LRMDA: variants seen among roughly 807,000 people sequenced by gnomAD.
The protein encoded by LRMDA is leucine rich melanocyte differentiation associated.
A neutral mutation model predicts 29.8 loss-of-function variants in LRMDA; 18 were observed. The ratio of observed to expected loss-of-function variants is 0.60; its 90% CI spans 0.42 to 0.90. The LOEUF (loss-of-function observed/expected upper bound fraction) is 0.90, where lower values mean the gene tolerates loss of function less well. Ranked by LOEUF, LRMDA falls within the 40% of genes least tolerant of loss-of-function variation. The pLI, the probability that LRMDA is intolerant of heterozygous loss-of-function variation, is 0.00. For missense variants in LRMDA, 273 were observed against 273.9 expected (o/e 1.00, Z 0.02); for synonymous variants, 125 against 109.4 (o/e 1.14, Z -0.89).
chr10:75,715,013 T>C (rs1193923587), intron 2 of LRMDA, among the ~76,000 whole-genome samples: 5 of 152,186 alleles, frequency 3.3e-5, no homozygotes, highest in African/African-American at 4.8e-5. Context: ...CTGGGAGTTT[T>C]GGAGCTTCCA....
intron 2 of LRMDA, among the ~76,000 whole-genome samples, chr10:75,852,252 T>C (rs4288703): frequency 0.79 from 120,200 of 152,182 alleles, 47,966 homozygotes; most frequent in East Asian, 0.98. Context: ...TGAGAAAAAA[T>C]AGAGATTGAA....
chr10:76,158,468 A>G (rs1850583543), intron 5 of LRMDA, among the ~76,000 whole-genome samples: 1 of 152,148 alleles, frequency 6.6e-6, no homozygotes. Context: ...TAGTGAATAC[A>G]TGGTCCTTTG....
At chr10:76,517,147 C>A (rs1353910519) in intron 6 of LRMDA, among the ~76,000 whole-genome samples, 1 of 151,856 alleles carries the variant, frequency 6.6e-6, no homozygotes, top group Non-Finnish European at 1.5e-5. Context: ...AATCAAAGTT[C>A]CAGGAAGAGA....
chr10:76,099,437 T>G (rs1179291982), intron 5 of LRMDA, among the ~76,000 whole-genome samples: 1 of 152,162 alleles, frequency 6.6e-6, no homozygotes, highest in Non-Finnish European at 1.5e-5. Context: ...CTGTCTTAAT[T>G]TATTTGTTCT....
At chr10:76,134,567 T>G (rs1450782659) in intron 5 of LRMDA, among the ~76,000 whole-genome samples, 1 of 152,224 alleles carries the variant, frequency 6.6e-6, no homozygotes, top group Non-Finnish European at 1.5e-5. Flanking sequence ...AATAGCTATT[T>G]TATTATGAGC....
At chr10:75,655,719 C>G (rs920195085) in intron 2 of LRMDA, among the ~76,000 whole-genome samples, 36 of 152,194 alleles carry the variant, frequency 2.4e-4, no homozygotes, top group African/African-American at 8.0e-4. Flanking sequence ...GAAACATCTC[C>G]AGGCAGAGAG....
At chr10:75,978,179 A>C (rs1847107045) in intron 2 of LRMDA, among the ~76,000 whole-genome samples, 1 of 152,212 alleles carries the variant, frequency 6.6e-6, no homozygotes, top group Non-Finnish European at 1.5e-5. Context: ...GTAGCAGAAG[A>C]GCTCAAGTTA....
At chr10:76,147,189 C>A (rs144328181) in intron 5 of LRMDA, among the ~76,000 whole-genome samples, 15,977 of 152,122 alleles carry the variant, frequency 0.11, 1,130 homozygotes, top group Middle Eastern at 0.19. Flanking sequence ...TGAGGAGTAT[C>A]TTTGTGGCGT....
rs143310954 is a variant in LRMDA at position 75,479,398 on chromosome 10, T to C, written c.131+40904T>C. On this transcript the variant is annotated intron_variant, in intron 2 of 6. Transcript: ENST00000611255. ...CACAGGCGCCTGTAGTCCCAGCTAC[T>C]TGGGAGGCTGAGGCAGGATAATGGC... Among the ~76,000 whole-genome samples the C allele has an allele frequency of 4.1e-3, 618 of 151,894 alleles. 2 individuals are homozygous for C. Among genetic ancestry groups the C allele is most frequent in the African/African-American group, 0.014 (587 of 41,378 alleles).
At chr10:76,163,845 G>A (rs1187981403) in intron 5 of LRMDA, among the ~76,000 whole-genome samples, 2 of 152,144 alleles carry the variant, frequency 1.3e-5, no homozygotes, top group African/African-American at 4.8e-5. Flanking sequence ...TGAGTCTCAT[G>A]AATCCATTGT....
intron 2 of LRMDA, among the ~76,000 whole-genome samples, chr10:76,032,320 C>T (rs528442656): frequency 5.9e-5 from 9 of 152,312 alleles, no homozygotes; most frequent in African/African-American, 2.2e-4. Context: ...CTGGCCTGGC[C>T]TGGGCAGGGC....
intron 5 of LRMDA, among the ~76,000 whole-genome samples, chr10:76,187,108 T>C (rs1489700868): frequency 6.6e-6 from 1 of 152,080 alleles, no homozygotes; most frequent in Non-Finnish European, 1.5e-5. Context: ...GCCTAGCCCA[T>C]CCAGGAAGGC....
chr10:76,204,755 T>C (rs1191007328), intron 5 of LRMDA, among the ~76,000 whole-genome samples: 2 of 152,218 alleles, frequency 1.3e-5, no homozygotes, highest in Non-Finnish European at 2.9e-5. Context: ...AATCTAGGGC[T>C]TAATTGTTGA....
At chr10:76,104,365 T>G (rs1475046660) in intron 5 of LRMDA, among the ~76,000 whole-genome samples, 1 of 152,174 alleles carries the variant, frequency 6.6e-6, no homozygotes, top group Non-Finnish European at 1.5e-5. Flanking sequence ...CAGGCTCCAT[T>G]GCCCTCTGGC....
At chr10:75,434,710 C>G (rs1346092067) in intron 1 of LRMDA, among the ~76,000 whole-genome samples, 2 of 152,234 alleles carry the variant, frequency 1.3e-5, no homozygotes, top group African/African-American at 4.8e-5. Context: ...CCTCAGCCTC[C>G]TGAGTAGCTG....
At chr10:75,668,640 T>A (rs924900156) in intron 2 of LRMDA, among the ~76,000 whole-genome samples, 3 of 151,986 alleles carry the variant, frequency 2.0e-5, no homozygotes, top group African/African-American at 4.8e-5. Flanking sequence ...ATAAGAAAAA[T>A]TTTTTTGAAT....
intron 5 of LRMDA, among the ~76,000 whole-genome samples, chr10:76,199,549 G>A (rs1439244159): frequency 3.3e-5 from 5 of 152,144 alleles, no homozygotes; most frequent in South Asian, 4.1e-4. Context: ...TATGTGCTAC[G>A]TGGAGACCAT....
chr10:76,290,276 T>C (rs1840322925), intron 5 of LRMDA, among the ~76,000 whole-genome samples: 1 of 152,160 alleles, frequency 6.6e-6, no homozygotes, highest in Admixed American at 6.5e-5. Context: ...CCCAAAATGC[T>C]CAATTCTGAA....
At chr10:76,419,195 C>T (rs1019901369) in intron 6 of LRMDA, among the ~76,000 whole-genome samples, 1 of 152,078 alleles carries the variant, frequency 6.6e-6, no homozygotes, top group East Asian at 1.9e-4. Flanking sequence ...GAGCATCATA[C>T]AGAATAGTTT....
Sources: gnomAD v4.1 joint callset for allele counts (sites outside exome capture counted in the v4.1 genomes callset) on GRCh38, gnomAD v4.1.1 for gene constraint, MANE v1.5 for transcripts, NCBI Gene and HGNC (gene_info 2026-07-23, HGNC 2026-07-21) for gene names.